Variants in CADPS2 observed in about 807,000 individuals in gnomAD.
CADPS2 encodes the protein calcium-dependent secretion activator 2.
A neutral mutation model predicts 172.5 loss-of-function variants in CADPS2; 93 were observed. The ratio of observed to expected loss-of-function variants is 0.54; its 90% confidence interval spans 0.46 to 0.64. The LOEUF (loss-of-function observed/expected upper bound fraction) is 0.64, where lower values mean the gene tolerates loss of function less well. CADPS2 is among the 30% of genes least tolerant of loss of function. The pLI, the probability that CADPS2 is intolerant of heterozygous loss-of-function variation, is 0.00. For synonymous variants in CADPS2, 546 were observed against 555.2 expected (o/e 0.98, Z 0.23); for missense variants, 1,420 against 1,565.9 (o/e 0.91, Z 1.57).
At chr7:122,428,527 G>A (rs2049466131) in intron 17 of CADPS2, among the ~76,000 whole-genome samples, 1 of 150,700 alleles carries the variant, frequency 6.6e-6, no homozygotes, top group African/African-American at 2.4e-5. Flanking sequence ...GAGTACAGTG[G>A]CGCAATCACG....
intron 3 of CADPS2, among the ~76,000 whole-genome samples, chr7:122,634,720 C>T (rs1002696557): frequency 1.3e-5 from 2 of 151,942 alleles, no homozygotes; most frequent in African/African-American, 4.8e-5. Context: ...GGATGTTTTC[C>T]TAGTTCCTCT....
intron 2 of CADPS2, among the ~76,000 whole-genome samples, chr7:122,726,727 C>A (rs1588791313): frequency 2.9e-5 from 3 of 103,042 alleles, no homozygotes; most frequent in Admixed American, 1.0e-4. Flanking sequence ...TAAAAAAGAA[C>A]ATAAAAGAAA....
intron 1 of CADPS2, among the ~76,000 whole-genome samples, chr7:122,860,777 T>C (rs915240869): frequency 8.5e-5 from 13 of 152,130 alleles, no homozygotes; most frequent in Admixed American, 5.2e-4. Flanking sequence ...TATTATACTC[T>C]CTACTTCTAT....
At chr7:122,398,976 A>G (rs1408208099) in intron 20 of CADPS2, among the ~76,000 whole-genome samples, 1 of 152,124 alleles carries the variant, frequency 6.6e-6, no homozygotes, top group African/African-American at 2.4e-5. Flanking sequence ...TTTAATTAAA[A>G]ATTTGACAAG....
chr7:122,367,543 T>TTTG (rs2041098453), intron 25 of CADPS2, among the ~76,000 whole-genome samples: 1 of 62,084 alleles, frequency 1.6e-5, no homozygotes, highest in African/African-American at 4.9e-5. Flanking sequence ...CCCCCAGTTT[T>TTTG]TTTTTTTTTT....
intron 14 of CADPS2, among the ~76,000 whole-genome samples, chr7:122,468,333 CAA>C (rs2055438088): frequency 6.6e-6 from 1 of 152,118 alleles, no homozygotes; most frequent in African/African-American, 2.4e-5. Flanking sequence ...TATGTTTAAA[CAA>C]AAGTCTCTAT....
At chr7:122,334,360 G>A (rs186980527) in intron 28 of CADPS2, among the ~76,000 whole-genome samples, 12 of 152,314 alleles carry the variant, frequency 7.9e-5, no homozygotes, top group Non-Finnish European at 1.8e-4. Flanking sequence ...GGGTGTATTA[G>A]GAGGCATGGC....
intron 7 of CADPS2, among the ~76,000 whole-genome samples, chr7:122,564,245 T>C (rs2066115821): frequency 1.3e-5 from 2 of 152,262 alleles, no homozygotes; most frequent in Admixed American, 1.3e-4. Context: ...ACTTATATAC[T>C]GTTGGTGGGA....
chr7:122,492,778 C>T (rs1002832263), intron 9 of CADPS2, among the ~76,000 whole-genome samples: 7 of 152,040 alleles, frequency 4.6e-5, no homozygotes, highest in Admixed American at 1.3e-4. Context: ...TGGCTCATTG[C>T]AGCCTCCACC....
Position 122,430,744 on chromosome 7 carries a change from A to G in CADPS2, c.2476+7597T>C, listed in dbSNP as rs1240409770. Among the ~76,000 whole-genome samples, 3 of 152,228 alleles carry G rather than the reference A, an allele frequency of 2.0e-5. No homozygotes were observed. The East Asian group carries it at 5.8e-4, about 29-fold the overall frequency. On this transcript the variant is annotated intron_variant, in intron 17 of 29. Coordinates refer to ENST00000449022, the MANE Select transcript of CADPS2 (RefSeq NM_017954.11). ...TCCAGTTTTCAAAATAACTGTTTCT[A>G]TGAAACATGCAAATAATTCCCAAGA... is the stretch of plus-strand genomic sequence containing the variant.
chr7:122,336,794 G>C (rs2035926377), intron 28 of CADPS2, among the ~76,000 whole-genome samples: 1 of 152,154 alleles, frequency 6.6e-6, no homozygotes, highest in African/African-American at 2.4e-5. Flanking sequence ...ATTGGTAAGA[G>C]AGCTTAGGTG....
At chr7:122,679,478 G>A (rs1181360498) in intron 2 of CADPS2, among the ~76,000 whole-genome samples, 10 of 152,124 alleles carry the variant, frequency 6.6e-5, no homozygotes, top group Admixed American at 5.9e-4. Context: ...GGACGTGGAC[G>A]TTCATTAGTG....
Position 122,527,614 on chromosome 7 carries a change from G to GAT in CADPS2, c.1476-14300_1476-14299insAT, listed in dbSNP as rs1225316128. Among the ~76,000 whole-genome samples, 295 of 125,684 alleles carry GAT rather than the reference G, an allele frequency of 2.3e-3. 1 individual carries two copies. The highest frequency in any genetic ancestry group is 9.6e-3 in the African/African-American group (286 of 29,760). 82.5% of individuals were successfully genotyped at this position (125,684 alleles called of 152,430 possible). On this transcript the variant is annotated intron_variant, in intron 8 of 29. Transcript: ENST00000449022. ...AGAGAGAGAGAGAGAGAGAGAGAGA[G>GAT]AGAGTGTGTGTGTGTGTGTGTGTGT...
chr7:122,349,090 T>C lies in CADPS2; in HGVS notation c.3505-3409A>G, dbSNP rs554272316. On this transcript the variant is annotated intron_variant, in intron 27 of 29. Transcript: ENST00000449022. ...TGCTAGTACATTTTTGTGGGGTTTT[T>C]TTTGGTGTGTACATGAAGACAATGC... Among the ~76,000 whole-genome samples, 102 of 151,998 alleles carry C rather than the reference T, an allele frequency of 6.7e-4. 1 individual carries two copies. Among genetic ancestry groups the C allele is most frequent in the Middle Eastern group, 6.8e-3 (2 of 294 alleles).
chr7:122,719,492 T>C (rs2090110630), intron 2 of CADPS2, among the ~76,000 whole-genome samples: 1 of 152,138 alleles, frequency 6.6e-6, no homozygotes. Flanking sequence ...AACAAAGGCA[T>C]GCTGGGCAGA....
chr7:122,422,078 C>T (rs1489715356), intron 17 of CADPS2: 3 of 152,052 alleles, frequency 2.0e-5, no homozygotes, highest in Non-Finnish European at 4.4e-5. Context: ...ACACAAAAAT[C>T]TTCATAAGGG....
intron 6 of CADPS2, among the ~76,000 whole-genome samples, chr7:122,598,270 A>C (rs536954868): frequency 6.6e-6 from 1 of 151,966 alleles, no homozygotes; most frequent in Non-Finnish European, 1.5e-5. Context: ...GGGTATTCAC[A>C]TAAGAGTTGG....
chr7:122,840,553 C>CA (rs5887117), intron 1 of CADPS2, among the ~76,000 whole-genome samples: 231 of 130,122 alleles, frequency 1.8e-3, no homozygotes, highest in African/African-American at 3.3e-3. Context: ...TTTTTAAATG[C>CA]AAAAAAAAAA....
chr7:122,783,728 T>C (rs774992687), intron 1 of CADPS2, among the ~76,000 whole-genome samples: 1 of 152,178 alleles, frequency 6.6e-6, no homozygotes, highest in African/African-American at 2.4e-5. Context: ...ATAATTGACA[T>C]TGTGGACTTT....
Sources: gnomAD v4.1 joint callset for allele counts (sites outside exome capture counted in the v4.1 genomes callset) on GRCh38, gnomAD v4.1.1 for gene constraint, MANE v1.5 for transcripts, NCBI Gene and HGNC (gene_info 2026-07-23, HGNC 2026-07-21) for gene names.